MAP3K20: variants seen among roughly 807,000 people sequenced by gnomAD.
The protein encoded by MAP3K20 is HCCS-4.
In MAP3K20, 40 loss-of-function variants were observed where a neutral mutation model predicts 85.7. That is an observed-to-expected ratio of 0.47 (90% CI 0.36 to 0.61). The LOEUF is 0.61. Among genes scored for constraint, MAP3K20 ranks in the 20% least tolerant of loss-of-function variants. MAP3K20 has a pLI of 0.00. For missense variants in MAP3K20, 817 were observed against 961.7 expected, an observed-to-expected ratio of 0.85 and a Z score of 1.99; for synonymous variants, 325 against 327.7, an observed-to-expected ratio of 0.99 and a Z score of 0.09.
At chr2:173,086,959 G>T (rs564220710) in intron 1 of MAP3K20, among the ~76,000 whole-genome samples, 1 of 152,338 alleles carries the variant, frequency 6.6e-6, no homozygotes, top group East Asian at 1.9e-4. Context: ...ATCAGGATTT[G>T]CTTCAGAACC....
In MAP3K20 at chr2:173,266,403, AT is replaced by A; in HGVS notation, c.2057del (p.Ile686AsnfsTer146). 6.2e-7 allele frequency: 1 copy of A among 1,614,160 alleles called. No individual in the cohort carries two copies. The highest frequency in any genetic ancestry group is 8.5e-7 in the Non-Finnish European group (1 of 1,180,020). On this transcript the variant is annotated frameshift_variant, in exon 20 of 20. Coordinates refer to ENST00000375213, the MANE Select transcript of MAP3K20 (RefSeq NM_016653.3). LOFTEE classifies it low-confidence loss of function (END_TRUNC). ...CAGGAACAAATATGGACGTGGTAGTATATCACTCAATTCTTCTCCTAGAGGA... is the reference window on the plus strand; with the variant it reads ...CAGGAACAAATATGGACGTGGTAGTAATCACTCAATTCTTCTCCTAGAGGA... ...RSRNKYGRGS[I>X]SLNSSPRGRY...
intron 2 of MAP3K20, among the ~76,000 whole-genome samples, chr2:173,116,139 A>C (rs558447833): frequency 7.9e-4 from 121 of 152,254 alleles, no homozygotes; most frequent in African/African-American, 2.9e-3. Flanking sequence ...GGTGTGAGAC[A>C]TTGTGCCTGG....
At chr2:173,234,570 G>A (rs575110701) in intron 14 of MAP3K20, among the ~76,000 whole-genome samples, 1 of 152,296 alleles carries the variant, frequency 6.6e-6, no homozygotes, top group East Asian at 1.9e-4. Context: ...CCCTTGAGCC[G>A]GATCTTGGAG....
At chr2:173,196,619 A>T (rs1690849535) in intron 7 of MAP3K20, among the ~76,000 whole-genome samples, 1 of 152,170 alleles carries the variant, frequency 6.6e-6, no homozygotes, top group Admixed American at 6.5e-5. Flanking sequence ...TTACTGTGTT[A>T]TGGTTGAAAT....
intron 2 of MAP3K20, among the ~76,000 whole-genome samples, chr2:173,109,137 T>TA (rs1163858618): frequency 1.3e-5 from 2 of 152,256 alleles, no homozygotes; most frequent in African/African-American, 4.8e-5. Context: ...GCTCAGCAGA[T>TA]ACGTGATATA....
intron 2 of MAP3K20, among the ~76,000 whole-genome samples, chr2:173,146,852 C>T (rs901813306): frequency 1.3e-5 from 2 of 152,198 alleles, no homozygotes; most frequent in Non-Finnish European, 2.9e-5. Context: ...CTTCTCTACA[C>T]CCTTGCCAAC....
chr2:173,202,542 C>T (rs542670097), intron 8 of MAP3K20, among the ~76,000 whole-genome samples: 1 of 152,326 alleles, frequency 6.6e-6, no homozygotes, highest in South Asian at 2.1e-4. Flanking sequence ...TTAACAACCC[C>T]TTACACTCCC....
intron 2 of MAP3K20, among the ~76,000 whole-genome samples, chr2:173,122,991 G>T (rs79277848): frequency 1.4e-3 from 220 of 152,254 alleles, no homozygotes; most frequent in African/African-American, 5.2e-3. Context: ...CCCTCACTTA[G>T]GTATTTTTCA....
At chr2:173,121,023 T>G (rs1194364865) in intron 2 of MAP3K20, among the ~76,000 whole-genome samples, 1 of 152,170 alleles carries the variant, frequency 6.6e-6, no homozygotes, top group Non-Finnish European at 1.5e-5. Context: ...CACTCTCACT[T>G]CTATTCCTTG....
At chr2:173,223,271 A>G (rs1265836995) in intron 11 of MAP3K20, 4 of 981,612 alleles carry the variant, frequency 4.1e-6, no homozygotes, top group Admixed American at 6.1e-5. Flanking sequence ...TCCTGGGCTC[A>G]GTTGCTTGAC....
At chr2:173,256,832 C>G (rs1317270959) in intron 16 of MAP3K20, among the ~76,000 whole-genome samples, 1 of 152,024 alleles carries the variant, frequency 6.6e-6, no homozygotes, top group Admixed American at 6.6e-5. Context: ...CAGTATACTT[C>G]CTCCTAAATA....
chr2:173,225,837 C>T, intron 11 of MAP3K20: 1 of 984,702 alleles, frequency 1.0e-6, no homozygotes, highest in Non-Finnish European at 1.2e-6. Flanking sequence ...CTTAGAAATG[C>T]TGGTGGCAAC....
At chr2:173,208,674 T>C (rs1485826387) in intron 9 of MAP3K20, among the ~76,000 whole-genome samples, 2 of 152,196 alleles carry the variant, frequency 1.3e-5, no homozygotes, top group African/African-American at 2.4e-5. Context: ...TTCTGAGAAA[T>C]GGAAAAATTG....
At chr2:173,082,182 A>AT (rs752202873) in intron 1 of MAP3K20, among the ~76,000 whole-genome samples, 104 of 152,068 alleles carry the variant, frequency 6.8e-4, no homozygotes, top group South Asian at 1.2e-3. Context: ...TTATTTATTC[A>AT]TTTTTTGTAC....
chr2:173,243,658 C>T (rs76964185), intron 16 of MAP3K20, among the ~76,000 whole-genome samples: 15,416 of 152,210 alleles, frequency 0.1, 1,417 homozygotes, highest in African/African-American at 0.24. Context: ...CGCTCTTTCG[C>T]CCAGGCCAGA....
intron 16 of MAP3K20, among the ~76,000 whole-genome samples, chr2:173,243,535 C>A (rs114560387): frequency 6.6e-6 from 1 of 152,124 alleles, no homozygotes; most frequent in South Asian, 2.1e-4. Flanking sequence ...AGGGGGCTGG[C>A]GACCAGAAAA....
At chr2:173,077,209 G>C (rs1237821475) in intron 1 of MAP3K20, among the ~76,000 whole-genome samples, 1 of 152,112 alleles carries the variant, frequency 6.6e-6, no homozygotes, top group African/African-American at 2.4e-5. Context: ...TGTTTTGGAA[G>C]AGCCTTCTTG....
chr2:173,135,607 A>G (rs1032832271), intron 2 of MAP3K20, among the ~76,000 whole-genome samples: 2 of 152,232 alleles, frequency 1.3e-5, no homozygotes, highest in African/African-American at 2.4e-5. Context: ...ATCATACCCT[A>G]TTCTTCTGTG....
intron 1 of MAP3K20, among the ~76,000 whole-genome samples, chr2:173,085,104 A>G (rs1249559794): frequency 6.6e-6 from 1 of 152,230 alleles, no homozygotes; most frequent in Non-Finnish European, 1.5e-5. Flanking sequence ...TGCATCTGGA[A>G]ATGCCACAGT....
Sources: allele counts gnomAD v4.1 joint callset (sites outside exome capture counted in the v4.1 genomes callset), GRCh38; gene constraint gnomAD v4.1.1; transcripts MANE v1.5; gene names NCBI Gene and HGNC (gene_info 2026-07-23, HGNC 2026-07-21).